Variants in SEMA3A observed in about 807,000 individuals in gnomAD.
SEMA3A encodes semaphorin 3A.
A neutral mutation model predicts 97.9 loss-of-function variants in SEMA3A; 29 were observed. The ratio of observed to expected loss-of-function variants is 0.30; its 90% CI spans 0.22 to 0.40. The LOEUF is 0.40. Among genes scored for constraint, SEMA3A ranks in the 10% least tolerant of loss-of-function variants. SEMA3A has a pLI of 1.00. For missense variants in SEMA3A, 763 were observed against 951.3 expected (o/e 0.80, Z 2.60); for synonymous variants, 321 against 323.7 (o/e 0.99, Z 0.09).
At chr7:83,980,437 T>C (rs1789344168) in intron 14 of SEMA3A, among the ~76,000 whole-genome samples, 1 of 151,024 alleles carries the variant, frequency 6.6e-6, no homozygotes, top group Non-Finnish European at 1.5e-5. Context: ...AAACCCTGTG[T>C]CTACTAAAAA....
intron 3 of SEMA3A, among the ~76,000 whole-genome samples, chr7:84,127,336 A>C (rs1334205391): frequency 6.6e-6 from 1 of 151,832 alleles, no homozygotes; most frequent in Admixed American, 6.6e-5. Flanking sequence ...CTGCCTAATC[A>C]ATTTATCCAC....
At chr7:84,187,844 A>C (rs943639824) in intron 1 of SEMA3A, among the ~76,000 whole-genome samples, 2 of 152,114 alleles carry the variant, frequency 1.3e-5, no homozygotes, top group African/African-American at 4.8e-5. Flanking sequence ...GCCATTGAGA[A>C]TATAAAGATG....
At chr7:84,449,697 T>C (rs1295330390) in intron 1 of SEMA3A, among the ~76,000 whole-genome samples, 1 of 152,132 alleles carries the variant, frequency 6.6e-6, no homozygotes, top group East Asian at 1.9e-4. Flanking sequence ...TACTCAAATA[T>C]ACCCTGTAGA....
intron 6 of SEMA3A, among the ~76,000 whole-genome samples, chr7:84,045,279 G>A (rs1792305063): frequency 6.6e-6 from 1 of 151,940 alleles, no homozygotes. Context: ...TAAACCATAA[G>A]CCTCTTTCTT....
In SEMA3A at chr7:84,219,367, G is replaced by T. The variant is rs527308394; in HGVS notation, c.-82-24699C>A. 5.9e-5 allele frequency among the ~76,000 whole-genome samples: 9 copies of T among 152,046 alleles called. No individual in the cohort carries two copies. In the South Asian group the frequency reaches 1.9e-3, roughly 32 times the overall value. On this transcript the variant is annotated intron_variant, in intron 3 of 3. Transcript: ENST00000424555. ...ATATCTAAGTGGATGTAGATCTACAGAGATCTTATTAAGGCTTTCGGTATA... is the reference window on the plus strand; with the variant it reads ...ATATCTAAGTGGATGTAGATCTACATAGATCTTATTAAGGCTTTCGGTATA...
intron 6 of SEMA3A, among the ~76,000 whole-genome samples, chr7:84,022,974 A>G (rs1240981404): frequency 6.6e-6 from 1 of 152,204 alleles, no homozygotes; most frequent in Non-Finnish European, 1.5e-5. Flanking sequence ...AACGCTGAGT[A>G]AATACACCAC....
At chr7:84,148,196 T>G (rs921847067) in intron 1 of SEMA3A, among the ~76,000 whole-genome samples, 2 of 152,186 alleles carry the variant, frequency 1.3e-5, no homozygotes, top group Non-Finnish European at 2.9e-5. Flanking sequence ...ATTACAGGCA[T>G]GAGGCACCAT....
chr7:84,078,463 A>G (rs1177902656), intron 4 of SEMA3A, among the ~76,000 whole-genome samples: 2 of 152,128 alleles, frequency 1.3e-5, no homozygotes, highest in African/African-American at 4.8e-5. Flanking sequence ...AAACCATTGT[A>G]ACTCATTTGA....
At chr7:84,219,314 T>G (rs1011862785) in intron 3 of SEMA3A, among the ~76,000 whole-genome samples, 16 of 152,304 alleles carry the variant, frequency 1.1e-4, no homozygotes, top group Admixed American at 5.2e-4. Flanking sequence ...TCAGAACTAC[T>G]CCTTAGTATG....
At chr7:84,094,331 T>TTTTGCC (rs1491101373) in intron 4 of SEMA3A, among the ~76,000 whole-genome samples, 1 of 50,796 alleles carries the variant, frequency 2.0e-5, no homozygotes, top group Non-Finnish European at 6.6e-5. Flanking sequence ...AGTTTTTGCC[T>TTTTGCC]TTTTTTTTTT....
At chr7:84,030,645 C>G (rs1198215444) in intron 6 of SEMA3A, among the ~76,000 whole-genome samples, 1 of 150,632 alleles carries the variant, frequency 6.6e-6, no homozygotes, top group Non-Finnish European at 1.5e-5. Context: ...TAAGATGCAT[C>G]TCATATACAC....
intron 3 of SEMA3A, among the ~76,000 whole-genome samples, chr7:84,111,188 T>C (rs1795267640): frequency 6.6e-6 from 1 of 152,218 alleles, no homozygotes; most frequent in South Asian, 2.1e-4. Flanking sequence ...TTCTTTTTTC[T>C]ATAAACATTT....
At chr7:84,030,418 C>T (rs1271898172) in intron 6 of SEMA3A, among the ~76,000 whole-genome samples, 1 of 152,048 alleles carries the variant, frequency 6.6e-6, no homozygotes, top group African/African-American at 2.4e-5. Flanking sequence ...TGAGATGAAA[C>T]AAGTACATTT....
chr7:84,180,380 T>C lies in SEMA3A; in HGVS notation c.112+14095A>G, dbSNP rs532108727. 8.3e-4 allele frequency among the ~76,000 whole-genome samples: 126 copies of C among 152,242 alleles called. 1 individual carries two copies. The highest frequency in any genetic ancestry group is 4.4e-3 in the South Asian group (21 of 4,822). On this transcript the variant is annotated intron_variant, in intron 1 of 16. Coordinates refer to ENST00000265362, the MANE Select transcript of SEMA3A (RefSeq NM_006080.3). The stretch of plus-strand genomic sequence containing the variant: ...ATTAATTCTATTTTTGAAAATTTTG[T>C]ATTTTTTAAAAAATTAACCTGACGA...
intron 14 of SEMA3A, among the ~76,000 whole-genome samples, chr7:83,980,696 A>G (rs1360584147): frequency 6.7e-6 from 1 of 149,612 alleles, no homozygotes. Context: ...ACACATATAC[A>G]TATATATTGC....
chr7:84,097,271 T>C (rs1336180513), intron 4 of SEMA3A, among the ~76,000 whole-genome samples: 1 of 152,156 alleles, frequency 6.6e-6, no homozygotes, highest in East Asian at 1.9e-4. Flanking sequence ...ATACAGACTT[T>C]TAAGCCTCTG....
rs564479414 is a variant in SEMA3A at position 84,462,141 on chromosome 7, A to T, written c.-246+30319T>A. ...ACTACCACCTTAACATTTATAAAGC[A>T]TTTTCCCATACAGCATTAAGCATTG... On this transcript the variant is annotated intron_variant, in intron 1 of 3. Transcript: ENST00000424555. Among the ~76,000 whole-genome samples, 3 of 152,210 alleles carry T rather than the reference A, an allele frequency of 2.0e-5. No individual in the cohort carries two copies. The East Asian group carries it at 5.8e-4, about 29-fold the overall frequency.
chr7:84,143,920 A>ATCTC lies in SEMA3A; in HGVS notation c.113-8973_113-8970dup, dbSNP rs142920312. 6.7e-4 allele frequency among the ~76,000 whole-genome samples: 86 copies of ATCTC among 128,754 alleles called. 1 individual carries two copies. Among genetic ancestry groups the ATCTC allele is most frequent in the African/African-American group, 2.2e-3 (74 of 33,828 alleles). 84.5% of individuals were successfully genotyped at this position (128,754 alleles called of 152,430 possible). On this transcript the variant is annotated intron_variant, in intron 1 of 16. Transcript: ENST00000265362. ...GCAAGCCAAGCTAGGTACTGTCCTAATCTCTCTCTCTCTCTCTCTCTCTCT... is the reference window on the plus strand; with the variant it reads ...GCAAGCCAAGCTAGGTACTGTCCTAATCTCTCTCTCTCTCTCTCTCTCTCTCTCT...
intron 6 of SEMA3A, among the ~76,000 whole-genome samples, chr7:84,015,759 C>T (rs879543201): frequency 5.0e-4 from 76 of 152,088 alleles, no homozygotes; most frequent in Non-Finnish European, 7.3e-5. Context: ...TTGTCCTATG[C>T]GTGTAACCTT....
Sources: gnomAD v4.1 joint callset for allele counts (sites outside exome capture counted in the v4.1 genomes callset) on GRCh38, gnomAD v4.1.1 for gene constraint, MANE v1.5 for transcripts, NCBI Gene and HGNC (gene_info 2026-07-23, HGNC 2026-07-21) for gene names.